The following RNF13 variants were observed in gnomAD, a reference collection of about 807,000 sequenced individuals.
The protein encoded by RNF13 is E3 ubiquitin-protein ligase RNF13.
In RNF13, 19 loss-of-function variants were observed where a neutral mutation model predicts 37.7. That is an observed-to-expected ratio of 0.50 (90% CI 0.35 to 0.74). The LOEUF (loss-of-function observed/expected upper bound fraction) is 0.74, where lower values mean the gene tolerates loss of function less well. Among genes scored for constraint, RNF13 ranks in the 30% least tolerant of loss-of-function variants. RNF13 has a pLI of 0.01. For synonymous variants in RNF13, 144 were observed against 157.8 expected, an observed-to-expected ratio of 0.91 and a Z score of 0.65; for missense variants, 375 against 453.0, an observed-to-expected ratio of 0.83 and a Z score of 1.56.
chr3:149,871,494 A>G (rs1168716653), intron 3 of RNF13, among the ~76,000 whole-genome samples: 1 of 150,690 alleles, frequency 6.6e-6, no homozygotes, highest in African/African-American at 2.4e-5. Flanking sequence ...TTATTTTCCT[A>G]TTGTATAAAT....
intron 3 of RNF13, among the ~76,000 whole-genome samples, chr3:149,870,346 TGGGA>T (rs1711878994): frequency 6.6e-6 from 1 of 151,564 alleles, no homozygotes; most frequent in Admixed American, 6.6e-5. Flanking sequence ...CTCTGTCTGC[TGGGA>T]GTTTTTTTTA....
intron 3 of RNF13, among the ~76,000 whole-genome samples, chr3:149,861,924 C>T (rs1268876713): frequency 6.6e-6 from 1 of 151,826 alleles, no homozygotes; most frequent in Non-Finnish European, 1.5e-5. Context: ...TATTAAATGC[C>T]AATAAAGTTT....
chr3:149,952,312 G>A (rs1245963094), intron 8 of RNF13, among the ~76,000 whole-genome samples: 1 of 152,026 alleles, frequency 6.6e-6, no homozygotes, highest in African/African-American at 2.4e-5. Context: ...GCCACTCAGA[G>A]CCGCAACAAA....
At chr3:149,927,913 T>C (rs942342385) in intron 8 of RNF13, among the ~76,000 whole-genome samples, 1 of 152,046 alleles carries the variant, frequency 6.6e-6, no homozygotes, top group African/African-American at 2.4e-5. Flanking sequence ...TTCTTGATAA[T>C]GTCCTTTTAT....
chr3:149,928,169 T>A (rs1043278004), intron 8 of RNF13, among the ~76,000 whole-genome samples: 2 of 152,062 alleles, frequency 1.3e-5, no homozygotes, highest in Non-Finnish European at 2.9e-5. Context: ...TCCAAGAACT[T>A]TTTTTGCAGA....
intron 1 of RNF13, among the ~76,000 whole-genome samples, chr3:149,816,613 C>G (rs1719484871): frequency 6.6e-6 from 1 of 151,176 alleles, no homozygotes; most frequent in Non-Finnish European, 1.5e-5. Flanking sequence ...GGACACTGCC[C>G]AAGCAAAGGT....
intron 1 of RNF13, among the ~76,000 whole-genome samples, chr3:149,840,045 A>T (rs1235018665): frequency 6.6e-6 from 1 of 152,188 alleles, no homozygotes; most frequent in Non-Finnish European, 1.5e-5. Context: ...AATTCTTGTA[A>T]ACTTGAAGTG....
chr3:149,921,837 A>G (rs892330695), intron 8 of RNF13, among the ~76,000 whole-genome samples: 1 of 152,194 alleles, frequency 6.6e-6, no homozygotes, highest in Admixed American at 6.5e-5. Flanking sequence ...GCTGGATCAA[A>G]TGGTATTTCT....
At chr3:149,856,488 G>A (rs1723663753) in intron 3 of RNF13, among the ~76,000 whole-genome samples, 2 of 146,632 alleles carry the variant, frequency 1.4e-5, no homozygotes, top group African/African-American at 5.1e-5. Flanking sequence ...CTATTGCCCA[G>A]CCTGGAGTGC....
chr3:149,946,379 G>A (rs564948599), intron 8 of RNF13, among the ~76,000 whole-genome samples: 1 of 152,224 alleles, frequency 6.6e-6, no homozygotes, highest in Non-Finnish European at 1.5e-5. Context: ...AGAAGGATTA[G>A]TGTTAGTTCT....
intron 5 of RNF13, among the ~76,000 whole-genome samples, chr3:149,901,114 CT>C (rs1715786993): frequency 6.6e-6 from 1 of 152,162 alleles, no homozygotes; most frequent in African/African-American, 2.4e-5. Flanking sequence ...TTTGTCACAA[CT>C]TACAGAACTG....
chr3:149,871,932 T>C (rs576171244), intron 3 of RNF13, 97 bp from the exon 4 acceptor site: 15 of 1,084,954 alleles, frequency 1.4e-5, no homozygotes, highest in Non-Finnish European at 1.9e-5. Flanking sequence ...TCTAGCATAA[T>C]GCAAAACACA....
chr3:149,938,516 TTTA>T (rs1000503004), intron 8 of RNF13, among the ~76,000 whole-genome samples: 2 of 151,454 alleles, frequency 1.3e-5, no homozygotes, highest in African/African-American at 4.9e-5. Flanking sequence ...AATTGATCCC[TTTA>T]TTATTATGTA....
In RNF13 at chr3:149,960,282, T is replaced by C. The variant is rs1722258653; in HGVS notation, c.781+146T>C. The C allele has an allele frequency of 2.3e-5, 14 of 602,082 alleles. No homozygotes were observed. The South Asian group carries it at 3.0e-4, about 13-fold the overall frequency. 37.3% of individuals were successfully genotyped at this position (602,082 alleles called of 1,614,324 possible). A position where few individuals can be genotyped will look rare whatever the true frequency, so the allele number is the denominator to read the frequency against. On this transcript the variant is annotated intron_variant, in intron 9 of 9. Transcript: ENST00000392894. ...TAGTGGTCTCATTCAAGGATGGAGGTGTATTTATAAAAATTTATAAACTTT... is the reference window on the plus strand; with the variant it reads ...TAGTGGTCTCATTCAAGGATGGAGGCGTATTTATAAAAATTTATAAACTTT...
intron 1 of RNF13, among the ~76,000 whole-genome samples, chr3:149,833,118 C>CTT (rs34729566): frequency 0.12 from 13,089 of 111,788 alleles, 1,400 homozygotes; most frequent in African/African-American, 0.16. Context: ...CTCTCTCTCT[C>CTT]TTTTTTTTTT....
intron 8 of RNF13, among the ~76,000 whole-genome samples, chr3:149,947,833 T>C (rs1179318596): frequency 6.6e-6 from 1 of 152,192 alleles, no homozygotes; most frequent in African/African-American, 2.4e-5. Context: ...TTTTCTCTTA[T>C]GATAGTTTTT....
chr3:149,870,131 A>G (rs531521476), intron 3 of RNF13, among the ~76,000 whole-genome samples: 2 of 151,822 alleles, frequency 1.3e-5, no homozygotes, highest in South Asian at 4.1e-4. Context: ...CCTCATGGAT[A>G]TTTCTCCCTT....
intron 8 of RNF13, among the ~76,000 whole-genome samples, chr3:149,926,905 GTT>G (rs1718708129): frequency 6.6e-6 from 1 of 151,972 alleles, no homozygotes; most frequent in African/African-American, 2.4e-5. Context: ...GTTTACCTAT[GTT>G]TAACACTTTG....
In RNF13 at chr3:149,856,858, C is replaced by CT. The variant is rs1394433250; in HGVS notation, c.195+4263dup. 3.3e-5 allele frequency among the ~76,000 whole-genome samples: 5 copies of CT among 152,292 alleles called. No homozygotes were observed. In the South Asian group the frequency reaches 1.0e-3, roughly 32 times the overall value. On this transcript the variant is annotated intron_variant, in intron 3 of 9. Coordinates refer to ENST00000392894, the MANE Select transcript of RNF13 (RefSeq NM_183381.3). ...GGCCTTCTGGGTTCACGCCATTCTC[C>CT]TGCCTCAGCCTCCTGAGTAGCTGGG...
Sources: gnomAD v4.1 joint callset for allele counts (sites outside exome capture counted in the v4.1 genomes callset) on GRCh38, gnomAD v4.1.1 for gene constraint, MANE v1.5 for transcripts, NCBI Gene and HGNC (gene_info 2026-07-23, HGNC 2026-07-21) for gene names.